Variants in GSR observed in about 807,000 individuals in gnomAD.
The protein encoded by GSR is glutathione-disulfide reductase.
A neutral mutation model predicts 56.5 loss-of-function variants in GSR; 48 were observed. The ratio of observed to expected loss-of-function variants is 0.85; its 90% CI spans 0.67 to 1.08. GSR has a LOEUF of 1.08. GSR is among the 50% of genes least tolerant of loss of function. The pLI, the probability that GSR is intolerant of heterozygous loss-of-function variation, is 0.00. For synonymous variants in GSR, 264 were observed against 270.8 expected, an observed-to-expected ratio of 0.97 and a Z score of 0.25; for missense variants, 694 against 703.3, an observed-to-expected ratio of 0.99 and a Z score of 0.15.
intron 1 of GSR, among the ~76,000 whole-genome samples, chr8:30,717,633 C>T (rs191599489): frequency 6.6e-6 from 1 of 152,220 alleles, no homozygotes; most frequent in African/African-American, 2.4e-5. Context: ...TTGCACACTC[C>T]TTATGAGAAT....
Position 30,689,296 on chromosome 8 carries a change from CAA to C in GSR, c.904_905del (p.Leu302ValfsTer14). On this transcript the variant is annotated frameshift_variant, in exon 9 of 13. Coordinates refer to ENST00000221130, the MANE Select transcript of GSR (RefSeq NM_000637.5). LOFTEE classifies it high-confidence loss of function. ...FSQVKEVKKT[L>X]SGLEVSMVTA... ...TAACCATGCTGACTTCCAAGCCCGA[CAA>C]AGTCTTTTTAACCTCCTTGACCTAT... 6.2e-7 allele frequency: 1 copy of C among 1,614,106 alleles called. No individual in the cohort carries two copies. Among genetic ancestry groups the C allele is most frequent in the Admixed American group, 1.7e-5 (1 of 60,016 alleles).
intron 4 of GSR, among the ~76,000 whole-genome samples, chr8:30,704,021 A>G (rs2128744591): frequency 6.6e-6 from 1 of 152,256 alleles, no homozygotes; most frequent in African/African-American, 2.4e-5. Context: ...CAATGTAATC[A>G]CATTACAGAA....
chr8:30,718,725 G>A (rs1804426123), intron 1 of GSR, among the ~76,000 whole-genome samples: 1 of 151,990 alleles, frequency 6.6e-6, no homozygotes. Flanking sequence ...TCTCCAGGTG[G>A]GCATTAATGA....
chr8:30,718,111 A>AAAATAAATAAATAAATAAAT (rs35132121), intron 1 of GSR, among the ~76,000 whole-genome samples: 1 of 147,722 alleles, frequency 6.8e-6, no homozygotes, highest in Non-Finnish European at 1.5e-5. Context: ...CAAAAAAATA[A>AAAATAAATAAATAAATAAAT]AAATAAATAA....
Position 30,711,987 on chromosome 8 carries a change from G to C in GSR, c.333+75C>G. The C allele has an allele frequency of 3.4e-6, 3 of 870,548 alleles. No individual in the cohort carries two copies. In the South Asian group the frequency reaches 4.3e-5, roughly 13 times the overall value. The allele number at this position is 870,548 out of a possible 1,614,324, so 53.9% of individuals were successfully genotyped here. On this transcript the variant is annotated intron_variant, in intron 2 of 12. Coordinates refer to ENST00000221130, the MANE Select transcript of GSR (RefSeq NM_000637.5). ...GAAAGAATTTTAACTGATCTATTTGGAAACATTCTGATTTTGATTATGATT... is the reference window on the plus strand; with the variant it reads ...GAAAGAATTTTAACTGATCTATTTGCAAACATTCTGATTTTGATTATGATT...
chr8:30,719,367 C>T lies in GSR; in HGVS notation c.307-7279G>A, dbSNP rs554906289. On this transcript the variant is annotated intron_variant, in intron 1 of 12. Transcript: ENST00000221130. ...TACTGACCTCATGATCCGCCCACCT[C>T]GGCCTCCCAAAGTGCTGGGATTACT... Among the ~76,000 whole-genome samples the T allele has an allele frequency of 5.9e-4, 90 of 152,052 alleles. 1 individual carries two copies. Among genetic ancestry groups the T allele is most frequent in the African/African-American group, 2.0e-3 (85 of 41,472 alleles).
Position 30,727,816 on chromosome 8 carries a change from G to C in GSR, c.20C>G (p.Ala7Gly). 7.8e-7 allele frequency: 1 copy of C among 1,278,716 alleles called. No homozygotes were observed. Among genetic ancestry groups the C allele is most frequent in the Non-Finnish European group, 9.8e-7 (1 of 1,016,630 alleles). 79.2% of individuals were successfully genotyped at this position (1,278,716 alleles called of 1,614,324 possible). The change falls in exon 1 of 13, where the codon GCC becomes GGC. Residue 7 changes from alanine to glycine, a missense_variant. Ala to Gly is a moderately conservative substitution (Grantham distance 60). Transcript: ENST00000221130. MALLPR[A>G]LSAGAGPSWR... ...GCTCGGTCCCGCGCCGGCGCTCAGGGCTCGGGGCAGCAGGGCCATGCACGC... is the reference window on the plus strand; with the variant it reads ...GCTCGGTCCCGCGCCGGCGCTCAGGCCTCGGGGCAGCAGGGCCATGCACGC...
chr8:30,715,072 G>A (rs1804283972), intron 1 of GSR, among the ~76,000 whole-genome samples: 1 of 152,028 alleles, frequency 6.6e-6, no homozygotes, highest in Non-Finnish European at 1.5e-5. Flanking sequence ...GAGCCCAGGA[G>A]TTAGGGACCA....
intron 8 of GSR, 132 bp from the exon 9 acceptor site, chr8:30,689,451 T>C: frequency 1.3e-6 from 1 of 777,896 alleles, no homozygotes. Context: ...CATACAAAGA[T>C]AGACATAAAC....
chr8:30,701,959 CG>C (rs1328132528), intron 5 of GSR, among the ~76,000 whole-genome samples: 1 of 152,032 alleles, frequency 6.6e-6, no homozygotes, highest in Non-Finnish European at 1.5e-5. Flanking sequence ...CCCATCTAAA[CG>C]TCCTGGTCAA....
chr8:30,716,097 C>T (rs187162334), intron 1 of GSR, among the ~76,000 whole-genome samples: 1 of 152,188 alleles, frequency 6.6e-6, no homozygotes, highest in African/African-American at 2.4e-5. Flanking sequence ...TCACTTGTGC[C>T]AGGCATTATG....
intron 4 of GSR, chr8:30,704,569 A>G (rs1586054557): frequency 6.6e-6 from 1 of 152,228 alleles, no homozygotes; most frequent in Non-Finnish European, 1.5e-5. Flanking sequence ...CTCTGTACCC[A>G]GGCCTTCACT....
chr8:30,718,845 A>C (rs1804430559), intron 1 of GSR, among the ~76,000 whole-genome samples: 1 of 151,940 alleles, frequency 6.6e-6, no homozygotes, highest in African/African-American at 2.4e-5. Flanking sequence ...TCTGCCTCCC[A>C]GGTTCCAGTG....
intron 5 of GSR, 133 bp from the exon 6 acceptor site, chr8:30,700,268 C>G (rs1324954164): frequency 1.4e-6 from 1 of 735,192 alleles, no homozygotes; most frequent in African/African-American, 1.7e-5. Context: ...TTGTTAAAGT[C>G]TCTGCTTGGA....
rs1289132427 is a variant in GSR, at chr8:30,684,113, T to C, written c.1128A>G (p.Val376=). The part of the protein sequence containing the change: ...NVKGIYAVGD[V]CGKALLTPVA... ...CTGGAGTAAGAAGAGCTTTTCCACA[T>C]ACATCCCCAACTGCATAGATGCCTT... The change falls in exon 10 of 13, where the codon GTA becomes GTG. Residue 376 remains valine (V), a synonymous_variant. Coordinates refer to ENST00000221130, the MANE Select transcript of GSR (RefSeq NM_000637.5). 1.3e-6 allele frequency: 2 copies of C among 1,594,264 alleles called. No homozygotes were observed. The highest frequency in any genetic ancestry group is 1.1e-5 in the South Asian group (1 of 90,660).
intron 8 of GSR, among the ~76,000 whole-genome samples, chr8:30,690,088 AATAT>A: frequency 7.0e-6 from 1 of 143,426 alleles, no homozygotes; most frequent in East Asian, 2.0e-4. Context: ...ATAAAATATA[AATAT>A]ATAAATAAAA....
intron 4 of GSR, among the ~76,000 whole-genome samples, chr8:30,706,317 T>C (rs1025260640): frequency 3.3e-5 from 5 of 151,692 alleles, no homozygotes; most frequent in African/African-American, 7.3e-5. Context: ...CTGGCCAACA[T>C]GGTGAAACCC....
chr8:30,708,094 A>G lies in GSR; in HGVS notation c.470T>C (p.Ile157Thr). 6.2e-7 allele frequency: 1 copy of G among 1,613,346 alleles called. No individual in the cohort carries two copies. The highest frequency in any genetic ancestry group is 8.5e-7 in the Non-Finnish European group (1 of 1,179,256). The change falls in exon 4 of 13, where the codon ATC (isoleucine) becomes ACC (threonine). Residue 157 changes from isoleucine (I) to threonine (T), a missense_variant. Physicochemically the swap from Ile to Thr is moderately conservative, Grantham distance 89 (BLOSUM62 -1). Transcript: ENST00000221130. Reference sequence around the variant, plus strand: ...CACCTTGGTGAGATTGTTTTGATAGATGGCATTCAGGCGGCTCACATAGGC... The same window carrying G: ...CACCTTGGTGAGATTGTTTTGATAGGTGGCATTCAGGCGGCTCACATAGGC... ...RDAYVSRLNAIYQNNLTKSHI... is the reference protein window; with the variant it reads ...RDAYVSRLNATYQNNLTKSHI...
rs926354731 is a variant in GSR, at chr8:30,678,505, T to C, written c.*1015A>G. ...CCTCCCAAGTAGCTGAGATTACAGA[T>C]GCACATCACCACACTCGGGTAATTT... On this transcript the variant is annotated 3_prime_UTR_variant, in exon 13 of 13. Transcript: ENST00000221130. 2.0e-5 allele frequency: 3 copies of C among 151,736 alleles called. No homozygotes were observed. The highest frequency in any genetic ancestry group is 7.3e-5 in the African/African-American group (3 of 41,290). 9.4% of individuals were successfully genotyped at this position (151,736 alleles called of 1,614,324 possible).
Sources: allele counts gnomAD v4.1 joint callset (sites outside exome capture counted in the v4.1 genomes callset), GRCh38; gene constraint gnomAD v4.1.1; transcripts MANE v1.5; gene names NCBI Gene and HGNC (gene_info 2026-07-23, HGNC 2026-07-21).